Variants in IYD observed in about 807,000 individuals in gnomAD.
IYD encodes iodotyrosine deiodinase.
Under a neutral mutation model 28.4 loss-of-function variants are expected in IYD, and 25 were observed. That is an observed-to-expected ratio of 0.88 (90% confidence interval 0.64 to 1.23). IYD has a LOEUF of 1.23. IYD is among the 50% of genes most tolerant of loss of function. IYD has a pLI of 0.00. For missense variants in IYD, 352 were observed against 357.9 expected (o/e 0.98, Z 0.13); for synonymous variants, 140 against 130.8 (o/e 1.07, Z -0.48).
At chr6:150,386,992 C>T (rs769200749) in intron 1 of IYD, among the ~76,000 whole-genome samples, 18 of 151,960 alleles carry the variant, frequency 1.2e-4, no homozygotes, top group East Asian at 5.8e-4. Flanking sequence ...GTGTTCTTCC[C>T]GAGGTAAACT....
chr6:150,390,805 GCTCC>G, intron 2 of IYD, among the ~76,000 whole-genome samples: 1 of 152,134 alleles, frequency 6.6e-6, no homozygotes, highest in Non-Finnish European at 1.5e-5. Flanking sequence ...AGGAATTGAG[GCTCC>G]TTGGACAAAG....
chr6:150,388,627 T>TTTGCTTGCTTGC (rs1554231453), intron 1 of IYD, among the ~76,000 whole-genome samples: 31 of 129,056 alleles, frequency 2.4e-4, no homozygotes, highest in African/African-American at 7.5e-4. Flanking sequence ...GTCTGGAGTT[T>TTTGCTTGCTTGC]TTGCTTTCTT....
At chr6:150,393,370 T>C (rs1038242609) in intron 3 of IYD, among the ~76,000 whole-genome samples, 1 of 152,180 alleles carries the variant, frequency 6.6e-6, no homozygotes, top group Non-Finnish European at 1.5e-5. Context: ...TGAAGTATGG[T>C]TAAGTAGCTT....
rs1028738019 is a variant in IYD, at chr6:150,404,359, T to C, written c.*6122T>C. The C allele has an allele frequency of 6.6e-6, 1 of 152,252 alleles. No individual in the cohort carries two copies. Among genetic ancestry groups the C allele is most frequent in the African/African-American group, 2.4e-5 (1 of 41,470 alleles). The allele number at this position is 152,252 out of a possible 1,614,324, so 9.4% of individuals were successfully genotyped here. ...AAAAGCTTATGATTCCAATTTGAAA[T>C]GTGAAATTGATTTTACGTTTGTGAT... is the stretch of plus-strand genomic sequence containing the variant. On this transcript the variant is annotated 3_prime_UTR_variant, in exon 5 of 5. Coordinates refer to ENST00000344419, the MANE Select transcript of IYD (RefSeq NM_203395.3).
Position 150,398,168 on chromosome 6 carries a change from C to T in IYD, c.801C>T (p.Tyr267=). 6.2e-7 allele frequency: 1 copy of T among 1,614,182 alleles called. No individual in the cohort carries two copies. Among genetic ancestry groups the T allele is most frequent in the Non-Finnish European group, 8.5e-7 (1 of 1,180,036 alleles). The change falls in exon 5 of 5, where the codon TAC becomes TAT. Residue 267 remains tyrosine (Y), a synonymous_variant. Transcript: ENST00000344419. ...EKLLMLLPVG[Y]PSKEATVPDL... is the part of the protein sequence containing the mutation. The stretch of plus-strand genomic sequence containing the variant: ...TGCTGATGCTGCTCCCCGTGGGGTA[C>T]CCCAGCAAGGAGGCCACGGTGCCTG...
chr6:150,370,064 C>T lies in IYD; in HGVS notation c.178+855C>T, dbSNP rs996786965. On this transcript the variant is annotated intron_variant, in intron 1 of 4. Coordinates refer to ENST00000344419, the MANE Select transcript of IYD (RefSeq NM_203395.3). ...GCTTGAGCCATCTGTGTTTGAGAAG[C>T]TTTGTCTGGGATGGGTTCGATTTGG... The T allele has an allele frequency of 7.1e-6, 5 of 701,836 alleles. No individual in the cohort carries two copies. The African/African-American group carries it at 8.7e-5, about 12-fold the overall frequency. 43.5% of individuals were successfully genotyped at this position (701,836 alleles called of 1,614,324 possible).
At chr6:150,394,942 C>T (rs549347115) in intron 4 of IYD, among the ~76,000 whole-genome samples, 1 of 152,342 alleles carries the variant, frequency 6.6e-6, no homozygotes, top group Non-Finnish European at 1.5e-5. Context: ...ATCCTCCCAC[C>T]TCAGCCTCCT....
chr6:150,383,812 A>AC (rs1562315039), intron 1 of IYD, among the ~76,000 whole-genome samples: 1 of 118,778 alleles, frequency 8.4e-6, no homozygotes, highest in Admixed American at 8.2e-5. Context: ...AAAAAAACAA[A>AC]AACAAAAACA....
In IYD at chr6:150,389,384, GTTGA is replaced by G; in HGVS notation, c.212_215del (p.Val71AspfsTer35). 6.2e-7 allele frequency: 1 copy of G among 1,613,920 alleles called. No individual in the cohort carries two copies. The highest frequency in any genetic ancestry group is 8.5e-7 in the Non-Finnish European group (1 of 1,179,852). On this transcript the variant is annotated frameshift_variant, in exon 2 of 5. Coordinates refer to ENST00000344419, the MANE Select transcript of IYD (RefSeq NM_203395.3). LOFTEE classifies it high-confidence loss of function. Reference sequence around the variant, plus strand: ...TGAATGGCAAGAATCAGAAGAAAATGTTGAACACATCCCCTTCTCTCATAACCAC... The same window carrying G: ...TGAATGGCAAGAATCAGAAGAAAATGACACATCCCCTTCTCTCATAACCAC...
At chr6:150,396,506 G>C (rs927975623) in intron 4 of IYD, 3 of 697,016 alleles carry the variant, frequency 4.3e-6, no homozygotes, top group African/African-American at 3.5e-5. Flanking sequence ...ATTCAGTATG[G>C]AGTAAAAGCT....
At chr6:150,395,874 G>A (rs1413823211) in intron 4 of IYD, 2 of 575,292 alleles carry the variant, frequency 3.5e-6, no homozygotes, top group Non-Finnish European at 6.2e-6. Context: ...TTATTTGGAG[G>A]CTTGGAAAGA....
intron 1 of IYD, among the ~76,000 whole-genome samples, chr6:150,385,395 T>G (rs894469884): frequency 6.6e-6 from 1 of 152,148 alleles, no homozygotes; most frequent in Non-Finnish European, 1.5e-5. Flanking sequence ...AGTTCCTTTC[T>G]CCAAATTTAC....
chr6:150,391,233 C>CA lies in IYD; in HGVS notation c.371-1093dup, dbSNP rs3842126. Reference sequence around the variant, plus strand: ...GCCTGGTGACAGAGTGAGACGCCATCAAAAAAAAAAAAAAAAAAAGAATTC... The same window carrying CA: ...GCCTGGTGACAGAGTGAGACGCCATCAAAAAAAAAAAAAAAAAAAAGAATTC... On this transcript the variant is annotated intron_variant, in intron 2 of 4. Transcript: ENST00000344419. Among the ~76,000 whole-genome samples, 955 of 114,030 alleles carry CA rather than the reference C, an allele frequency of 8.4e-3. 3 individuals are homozygous for CA. Among genetic ancestry groups the CA allele is most frequent in the South Asian group, 0.028 (98 of 3,556 alleles). The allele number at this position is 114,030 out of a possible 152,430, so 74.8% of individuals were successfully genotyped here.
In IYD at chr6:150,398,163, G is replaced by A; in HGVS notation, c.796G>A (p.Gly266Arg). Residue 266 changes from glycine to arginine, a missense_variant, in exon 5 of 5, where the codon GGG becomes AGG. Coordinates refer to ENST00000344419, the MANE Select transcript of IYD (RefSeq NM_203395.3). Reference protein sequence around the residue: ...HEKLLMLLPVGYPSKEATVPD... With the variant: ...HEKLLMLLPVRYPSKEATVPD... ...AAAGCTGCTGATGCTGCTCCCCGTGGGGTACCCCAGCAAGGAGGCCACGGT... is the reference window on the plus strand; with the variant it reads ...AAAGCTGCTGATGCTGCTCCCCGTGAGGTACCCCAGCAAGGAGGCCACGGT... 6.2e-7 allele frequency: 1 copy of A among 1,614,168 alleles called. No individual in the cohort carries two copies. The highest frequency in any genetic ancestry group is 1.3e-5 in the African/African-American group (1 of 75,054).
At position 150,389,518 on chromosome 6, in the gene IYD, C is replaced by T. The variant is rs1778029341; in HGVS notation, c.345C>T (p.Val115=). Residue 115 remains valine, a synonymous_variant, in exon 2 of 5, where the codon GTC becomes GTT. Coordinates refer to ENST00000344419, the MANE Select transcript of IYD (RefSeq NM_203395.3). ...GTAATGAGCAAGTCCCAATGGAAGT[C>T]ATTGATAATGTCATCAGAACGGCAG... ...FISNEQVPME[V]IDNVIRTAGT... is the part of the protein sequence containing the mutation. 1 of 1,613,904 alleles carries T rather than the reference C, an allele frequency of 6.2e-7. No individual in the cohort carries two copies. Among genetic ancestry groups the T allele is most frequent in the Non-Finnish European group, 8.5e-7 (1 of 1,179,978 alleles).
At chr6:150,392,784 G>T (rs1442493058) in intron 3 of IYD, among the ~76,000 whole-genome samples, 2 of 152,180 alleles carry the variant, frequency 1.3e-5, no homozygotes, top group African/African-American at 2.4e-5. Flanking sequence ...TCAAGATCTT[G>T]CATGAAGCAA....
At chr6:150,390,516 G>A (rs1340592078) in intron 2 of IYD, among the ~76,000 whole-genome samples, 4 of 152,190 alleles carry the variant, frequency 2.6e-5, no homozygotes, top group Non-Finnish European at 5.9e-5. Flanking sequence ...TGGGCCTCAT[G>A]TTTAGCCTTT....
intron 3 of IYD, among the ~76,000 whole-genome samples, chr6:150,392,952 G>A (rs1345076670): frequency 6.6e-6 from 1 of 152,168 alleles, no homozygotes; most frequent in Non-Finnish European, 1.5e-5. Context: ...TTCAGTGTAA[G>A]TAGTTTCTCT....
intron 1 of IYD, among the ~76,000 whole-genome samples, chr6:150,389,108 G>A (rs1245980838): frequency 2.0e-5 from 3 of 152,158 alleles, no homozygotes; most frequent in East Asian, 1.9e-4. Context: ...GGGCTCAAGC[G>A]ATCCTCTCAC....
Sources: gnomAD v4.1 joint callset for allele counts (sites outside exome capture counted in the v4.1 genomes callset) on GRCh38, gnomAD v4.1.1 for gene constraint, MANE v1.5 for transcripts, NCBI Gene and HGNC (gene_info 2026-07-23, HGNC 2026-07-21) for gene names.